The following SLC25A48 variants were observed in gnomAD, a reference collection of about 807,000 sequenced individuals.
SLC25A48 encodes the protein solute carrier family 25 member 48, also known as CTC-321K16.1.
SLC25A48 carries 29 observed loss-of-function variants against 32.2 expected under a neutral mutation model. The observed-to-expected ratio is 0.90, with a 90% CI of 0.67 to 1.23. SLC25A48 has a LOEUF of 1.23. Among genes scored for constraint, SLC25A48 ranks in the 50% most tolerant of loss-of-function variants. The probability of loss-of-function intolerance (pLI) is 0.00; values close to 1 mark genes in which losing one functional copy is unlikely to be tolerated. For missense variants in SLC25A48, 399 were observed against 422.7 expected (o/e 0.94, Z 0.49); for synonymous variants, 164 against 172.3 (o/e 0.95, Z 0.38).
At chr5:135,652,483 G>T (rs1055016415) in intron 3 of SLC25A48, 4 of 455,336 alleles carry the variant, frequency 8.8e-6, no homozygotes, top group African/African-American at 8.0e-5. Context: ...AGAAAGTGGT[G>T]CAATGGATTA....
intron 1 of SLC25A48, among the ~76,000 whole-genome samples, chr5:135,591,128 C>T (rs570074003): frequency 6.6e-6 from 1 of 152,178 alleles, no homozygotes; most frequent in Non-Finnish European, 1.5e-5. Flanking sequence ...TGTGATTCCA[C>T]TATTAAGCTG....
rs1379431442 is a variant in SLC25A48, at chr5:135,777,899, G to A, written c.-520-34624G>A. Among the ~76,000 whole-genome samples, 3 of 151,548 alleles carry A rather than the reference G, an allele frequency of 2.0e-5. No homozygotes were observed. In the East Asian group the frequency reaches 5.8e-4, roughly 29 times the overall value. On this transcript the variant is annotated intron_variant, in intron 3 of 10. Coordinates refer to the SLC25A48 transcript ENST00000646290. ...AATAATATTACTCCCAATATCACAA[G>A]GGGTGTACATCCCACCTGTGATATT...
chr5:135,595,071 CT>C (rs1751613465), intron 1 of SLC25A48, among the ~76,000 whole-genome samples: 1 of 152,156 alleles, frequency 6.6e-6, no homozygotes, highest in African/African-American at 2.4e-5. Context: ...GCCTAGGACA[CT>C]GTCTCAGGCC....
intron 3 of SLC25A48, among the ~76,000 whole-genome samples, chr5:135,711,816 G>A (rs1341172725): frequency 1.3e-5 from 2 of 151,994 alleles, no homozygotes; most frequent in Non-Finnish European, 2.9e-5. Flanking sequence ...ATTCTGCTCC[G>A]TTTATTGATT....
At chr5:135,643,678 C>T in intron 3 of SLC25A48, among the ~76,000 whole-genome samples, 1 of 152,146 alleles carries the variant, frequency 6.6e-6, no homozygotes, top group East Asian at 1.9e-4. Context: ...TGCCAGAAAC[C>T]ATGTTTTTTC....
Position 135,871,611 on chromosome 5 carries a change from G to A in SLC25A48, c.572G>A (p.Gly191Asp). ...GCCATGCTGCTGAGGGATGTCCCAG[G>A]CTATTGCCTCTACTTCATCCCCTAC... is the stretch of plus-strand genomic sequence containing the variant. ...ASAMLLRDVP[G>D]YCLYFIPYVF... is the part of the protein sequence containing the mutation. The change falls in exon 5 of 8, where the codon GGC becomes GAC. Residue 191 changes from glycine to aspartate, a missense_variant. Physicochemically the swap from Gly to Asp is moderately conservative, Grantham distance 94. Transcript: ENST00000681962. 1 of 1,614,192 alleles carries A rather than the reference G, an allele frequency of 6.2e-7. No homozygotes were observed. Among genetic ancestry groups the A allele is most frequent in the Non-Finnish European group, 8.5e-7 (1 of 1,180,024 alleles).
intron 1 of SLC25A48, among the ~76,000 whole-genome samples, chr5:135,587,177 C>A (rs1486790232): frequency 6.6e-6 from 1 of 152,134 alleles, no homozygotes; most frequent in Non-Finnish European, 1.5e-5. Flanking sequence ...ACTACAGGCA[C>A]ATGCCACTAC....
At chr5:135,787,468 C>T (rs1328379226) in intron 3 of SLC25A48, among the ~76,000 whole-genome samples, 3 of 151,950 alleles carry the variant, frequency 2.0e-5, no homozygotes, top group African/African-American at 7.3e-5. Flanking sequence ...TTCGTAATAT[C>T]TTAGAGGAAT....
At chr5:135,726,229 C>CT (rs1332240999) in intron 3 of SLC25A48, among the ~76,000 whole-genome samples, 1 of 152,210 alleles carries the variant, frequency 6.6e-6, no homozygotes, top group Non-Finnish European at 1.5e-5. Flanking sequence ...ATGCTATGTC[C>CT]TTTTTATTTT....
At chr5:135,627,356 T>C (rs1043857211) in intron 1 of SLC25A48, among the ~76,000 whole-genome samples, 1 of 152,144 alleles carries the variant, frequency 6.6e-6, no homozygotes, top group Non-Finnish European at 1.5e-5. Flanking sequence ...GGTTCTATTA[T>C]CCATGGCCAG....
chr5:135,726,389 A>T (rs1310497630), intron 3 of SLC25A48, among the ~76,000 whole-genome samples: 4 of 152,200 alleles, frequency 2.6e-5, no homozygotes, highest in Non-Finnish European at 5.9e-5. Context: ...TGACCTCCAT[A>T]CAGTCAAATG....
chr5:135,655,502 C>T (rs1181740946), intron 3 of SLC25A48, among the ~76,000 whole-genome samples: 1 of 152,202 alleles, frequency 6.6e-6, no homozygotes, highest in Admixed American at 6.5e-5. Context: ...CAGAGCTCCA[C>T]TGGATTGTAT....
intron 1 of SLC25A48, among the ~76,000 whole-genome samples, chr5:135,611,550 A>G (rs1752072349): frequency 6.7e-6 from 1 of 149,682 alleles, no homozygotes; most frequent in Non-Finnish European, 1.5e-5. Context: ...AAAAGAAAAA[A>G]AAGAAAAAAA....
At chr5:135,867,289 C>T (rs886698553) in intron 4 of SLC25A48, among the ~76,000 whole-genome samples, 3 of 152,168 alleles carry the variant, frequency 2.0e-5, no homozygotes, top group Admixed American at 6.5e-5. Context: ...TCCGGCACCT[C>T]GTAGTCTTCC....
At chr5:135,883,081 G>A in intron 7 of SLC25A48, 2 of 985,396 alleles carry the variant, frequency 2.0e-6, no homozygotes, top group Non-Finnish European at 2.4e-6. Context: ...CCATTAACAG[G>A]TCAATGCTAA....
chr5:135,812,271 G>T (rs1008531279), intron 3 of SLC25A48, among the ~76,000 whole-genome samples: 16 of 152,082 alleles, frequency 1.1e-4, no homozygotes, highest in Non-Finnish European at 2.2e-4. Flanking sequence ...GGTAACTGGA[G>T]TATCCATCCC....
intron 1 of SLC25A48, among the ~76,000 whole-genome samples, chr5:135,581,034 G>A (rs1021356935): frequency 2.6e-5 from 4 of 152,148 alleles, no homozygotes; most frequent in Non-Finnish European, 5.9e-5. Flanking sequence ...GTGACTTTGG[G>A]CAAATACCTT....
intron 3 of SLC25A48, among the ~76,000 whole-genome samples, chr5:135,731,986 A>T (rs1323743280): frequency 6.6e-6 from 1 of 152,268 alleles, no homozygotes; most frequent in Non-Finnish European, 1.5e-5. Flanking sequence ...TTTGGGGTGC[A>T]GTCCAAGTTG....
At position 135,790,136 on chromosome 5, in the gene SLC25A48, TATTA is replaced by T. The variant is rs201954921; in HGVS notation, c.-520-22382_-520-22379del. ...GAATGATATCTATTATTATTATAAT[TATTA>T]ATTATTTTTCATAATAGTTATTTTA... On this transcript the variant is annotated intron_variant, in intron 3 of 10. Coordinates refer to the SLC25A48 transcript ENST00000646290. Among the ~76,000 whole-genome samples, 27 of 151,572 alleles carry T rather than the reference TATTA, an allele frequency of 1.8e-4. No individual in the cohort carries two copies. The East Asian group carries it at 4.8e-3, about 27-fold the overall frequency.
Sources: gnomAD v4.1 joint callset for allele counts (sites outside exome capture counted in the v4.1 genomes callset) on GRCh38, gnomAD v4.1.1 for gene constraint, MANE v1.5 for transcripts, NCBI Gene and HGNC (gene_info 2026-07-23, HGNC 2026-07-21) for gene names.